Variants in PCDH11X observed in about 807,000 individuals in gnomAD.
PCDH11X encodes the protein protocadherin 11 X-linked.
A neutral mutation model predicts 53.3 loss-of-function variants in PCDH11X; 18 were observed. That is an observed-to-expected ratio of 0.34 (90% CI 0.23 to 0.50). PCDH11X has a LOEUF of 0.50. Ranked by LOEUF, PCDH11X falls within the 20% of genes least tolerant of loss-of-function variation. The pLI, the probability that PCDH11X is intolerant of heterozygous loss-of-function variation, is 0.98. For missense variants in PCDH11X, 570 were observed against 1,032.4 expected, an observed-to-expected ratio of 0.55 and a Z score of 6.14; for synonymous variants, 279 against 393.3, an observed-to-expected ratio of 0.71 and a Z score of 3.44.
intron 9 of PCDH11X, among the ~76,000 whole-genome samples, chrX:92,406,102 A>AAG (rs1358467393): frequency 9.4e-6 from 1 of 105,988 alleles, no homozygotes; most frequent in Non-Finnish European, 1.9e-5. Context: ...CTGTCTCAAA[A>AAG]AAAAAAAAAA....
At chrX:92,272,711 T>G (rs1329104329) in intron 8 of PCDH11X, among the ~76,000 whole-genome samples, 1 of 112,418 alleles carries the variant, frequency 8.9e-6, no homozygotes, top group African/African-American at 3.2e-5. Context: ...AATGAATATG[T>G]GTTGTCATTT....
chrX:92,089,813 G>A (rs1331787525), intron 6 of PCDH11X, among the ~76,000 whole-genome samples: 2 of 109,608 alleles, frequency 1.8e-5, no homozygotes, highest in Non-Finnish European at 3.8e-5. Context: ...ATGAGCCATC[G>A]TGCCTGGCAG....
At chrX:92,192,578 ACCT>A (rs1263256854) in intron 6 of PCDH11X, among the ~76,000 whole-genome samples, 1 of 110,138 alleles carries the variant, frequency 9.1e-6, no homozygotes, top group Non-Finnish European at 1.9e-5. Context: ...TGATCTCTTG[ACCT>A]CATGATCCGC....
chrX:92,190,292 G>C (rs928830952), intron 6 of PCDH11X, among the ~76,000 whole-genome samples: 1 of 111,253 alleles, frequency 9.0e-6, no homozygotes, highest in African/African-American at 3.3e-5. Context: ...TGGCCAGCCA[G>C]TTCTCCCAGC....
At chrX:92,610,676 A>G (rs144761921) in intron 10 of PCDH11X, among the ~76,000 whole-genome samples, 1,669 of 111,417 alleles carry the variant, frequency 0.015, 42 homozygotes, top group African/African-American at 0.051. Flanking sequence ...GCCAAGGCTA[A>G]TGTCCAGAAT....
chrX:92,156,940 C>T (rs2759787), intron 6 of PCDH11X, among the ~76,000 whole-genome samples: 2 of 111,736 alleles, frequency 1.8e-5, no homozygotes, highest in Non-Finnish European at 3.8e-5. Flanking sequence ...AAGCTTAAAA[C>T]GACCTTCATA....
intron 9 of PCDH11X, among the ~76,000 whole-genome samples, chrX:92,408,934 A>T (rs192550213): frequency 6.2e-4 from 65 of 104,520 alleles, no homozygotes; most frequent in Middle Eastern, 9.5e-3. Flanking sequence ...TTATCTATAT[A>T]AATGCCTGCT....
intron 7 of PCDH11X, among the ~76,000 whole-genome samples, chrX:92,235,943 T>C (rs948346439): frequency 9.0e-6 from 1 of 111,264 alleles, no homozygotes; most frequent in African/African-American, 3.3e-5. Context: ...ATACAGATAA[T>C]ATTGGATAAG....
intron 9 of PCDH11X, among the ~76,000 whole-genome samples, chrX:92,433,347 AAC>A (rs1333694998): frequency 3.6e-5 from 4 of 109,940 alleles, no homozygotes; most frequent in Non-Finnish European, 7.6e-5. Flanking sequence ...AGTAATATTA[AAC>A]AGTGTTCAAC....
chrX:92,495,888 C>T (rs750229913), intron 10 of PCDH11X, among the ~76,000 whole-genome samples: 9 of 105,654 alleles, frequency 8.5e-5, no homozygotes, highest in Admixed American at 3.0e-4. Flanking sequence ...TTATCTCCCA[C>T]CGAGTCCCTC....
intron 10 of PCDH11X, among the ~76,000 whole-genome samples, chrX:92,510,873 T>C (rs2074149860): frequency 8.9e-6 from 1 of 111,884 alleles, no homozygotes; most frequent in African/African-American, 3.3e-5. Flanking sequence ...ATAAAAAGTA[T>C]TATTAAATTA....
intron 8 of PCDH11X, among the ~76,000 whole-genome samples, chrX:92,283,821 T>C (rs1427290643): frequency 8.9e-6 from 1 of 111,871 alleles, no homozygotes; most frequent in Non-Finnish European, 1.9e-5. Flanking sequence ...TAGATTAAAT[T>C]TTTTCTTACA....
intron 10 of PCDH11X, among the ~76,000 whole-genome samples, chrX:92,582,535 A>T (rs1321811456): frequency 9.1e-6 from 1 of 109,831 alleles, no homozygotes; most frequent in Non-Finnish European, 1.9e-5. Flanking sequence ...AAATGCCTAG[A>T]TGTCCAGGTA....
intron 10 of PCDH11X, among the ~76,000 whole-genome samples, chrX:92,495,532 A>C (rs1173238758): frequency 9.1e-6 from 1 of 110,336 alleles, no homozygotes; most frequent in Non-Finnish European, 1.9e-5. Context: ...TAACGAGTTT[A>C]TTGAGAAATA....
intron 6 of PCDH11X, among the ~76,000 whole-genome samples, chrX:92,142,158 A>ATT (rs755188681): frequency 2.9e-4 from 28 of 98,202 alleles, no homozygotes; most frequent in African/African-American, 9.9e-4. Flanking sequence ...TATTATTATT[A>ATT]TTTTTTTTTT....
chrX:92,339,943 A>T (rs1301646722), intron 8 of PCDH11X, among the ~76,000 whole-genome samples: 2 of 111,138 alleles, frequency 1.8e-5, no homozygotes, highest in African/African-American at 6.6e-5. Flanking sequence ...CCCAATTCTC[A>T]TCTGGAGATG....
chrX:92,570,667 T>C (rs1320972340), intron 10 of PCDH11X, among the ~76,000 whole-genome samples: 1 of 101,519 alleles, frequency 9.9e-6, no homozygotes, highest in East Asian at 3.0e-4. Context: ...ATTTTCTAAC[T>C]ATGCCTACCC....
In PCDH11X at chrX:91,910,908, C is replaced by A. The variant is rs189295553; in HGVS notation, c.3033+31635C>A. ...TTATTCATCATTATGAGATAAAATT[C>A]ATAAGACCCTATGAAAATAGTTCAA... is the stretch of plus-strand genomic sequence containing the variant. On this transcript the variant is annotated intron_variant, in intron 6 of 10. Transcript: ENST00000682573. Among the ~76,000 whole-genome samples, 3 of 111,093 alleles carry A rather than the reference C, an allele frequency of 2.7e-5. No homozygotes were observed. In the East Asian group the frequency reaches 8.5e-4, roughly 31 times the overall value.
At chrX:92,121,385 A>C (rs1250609670) in intron 6 of PCDH11X, among the ~76,000 whole-genome samples, 1 of 111,318 alleles carries the variant, frequency 9.0e-6, no homozygotes, top group Non-Finnish European at 1.9e-5. Flanking sequence ...CGAACTCCTG[A>C]CCTCAGGTGA....
Sources: allele counts gnomAD v4.1 joint callset (sites outside exome capture counted in the v4.1 genomes callset), GRCh38; gene constraint gnomAD v4.1.1; transcripts MANE v1.5; gene names NCBI Gene and HGNC (gene_info 2026-07-23, HGNC 2026-07-21).